NAPB: variants seen among roughly 807,000 people sequenced by gnomAD.
NAPB encodes NSF attachment protein beta.
NAPB carries 26 observed loss-of-function variants against 44.7 expected under a neutral mutation model. The ratio of observed to expected loss-of-function variants is 0.58; its 90% CI spans 0.43 to 0.81. The LOEUF (loss-of-function observed/expected upper bound fraction) is 0.81. Ranked by LOEUF, NAPB falls within the 30% of genes least tolerant of loss-of-function variation. NAPB has a pLI of 0.00. For synonymous variants in NAPB, 120 were observed against 116.8 expected (o/e 1.03, Z -0.18); for missense variants, 315 against 356.4 (o/e 0.88, Z 0.94).
In NAPB at chr20:23,402,202, T is replaced by C. The variant is rs564580156; in HGVS notation, c.178+791A>G. ...AAAGTGTCTGCCTTGAAACAGCTTG[T>C]AGAGGGCGAGTCCCACTTCCAATCC... On this transcript the variant is annotated intron_variant, in intron 2 of 10. Transcript: ENST00000377026. Among the ~76,000 whole-genome samples, 5 of 152,306 alleles carry C rather than the reference T, an allele frequency of 3.3e-5. No individual in the cohort carries two copies. The South Asian group carries it at 6.2e-4, about 19-fold the overall frequency.
At position 23,403,036 on chromosome 20, in the gene NAPB, A is replaced by G; in HGVS notation, c.135T>C (p.Tyr45=). The G allele has an allele frequency of 1.2e-6, 2 of 1,613,968 alleles. No homozygotes were observed. The highest frequency in any genetic ancestry group is 1.7e-6 in the Non-Finnish European group (2 of 1,179,942). The change falls in exon 2 of 11, where the codon TAT becomes TAC. Residue 45 remains tyrosine (Y), a synonymous_variant. Coordinates refer to ENST00000377026, the MANE Select transcript of NAPB (RefSeq NM_022080.3). ...TCTTGAACATATTTGCAGCTCTGGT[A>G]TACATTTCACAAGCCTCTTCTATTC... ...NTRIEEACEM[Y]TRAANMFKMA...
intron 5 of NAPB, among the ~76,000 whole-genome samples, chr20:23,392,761 G>C (rs917568921): frequency 2.6e-5 from 4 of 151,766 alleles, no homozygotes; most frequent in Non-Finnish European, 4.4e-5. Context: ...GGGCTCAAGT[G>C]ATCCTCCTGC....
chr20:23,382,525 AT>A (rs1421945574), intron 7 of NAPB, among the ~76,000 whole-genome samples: 4 of 152,232 alleles, frequency 2.6e-5, no homozygotes, highest in African/African-American at 9.6e-5. Context: ...AGAAGCCCTC[AT>A]AAAAATGCTC....
rs372949482 is a variant in NAPB, at chr20:23,377,328, G to A, written c.*48C>T. ...TCCCATAAAGATCACTTGACCCTAA[G>A]ACAAAACTAAAGAGGAGTTAGCTGC... On this transcript the variant is annotated 3_prime_UTR_variant, in exon 11 of 11. Transcript: ENST00000377026. 3 of 1,298,078 alleles carry A rather than the reference G, an allele frequency of 2.3e-6. No homozygotes were observed. The highest frequency in any genetic ancestry group is 3.2e-6 in the Non-Finnish European group (3 of 923,468). 80.4% of individuals were successfully genotyped at this position (1,298,078 alleles called of 1,614,324 possible).
intron 1 of NAPB, among the ~76,000 whole-genome samples, chr20:23,405,488 G>A (rs1985180776): frequency 6.6e-6 from 1 of 152,198 alleles, no homozygotes; most frequent in Non-Finnish European, 1.5e-5. Flanking sequence ...TTGGGAGGCT[G>A]AGGTGGGTGG....
At chr20:23,403,108 A>G (rs767502899) in intron 1 of NAPB, 36 bp from the exon 2 acceptor site, 4 of 1,455,588 alleles carry the variant, frequency 2.7e-6, no homozygotes, top group Admixed American at 3.4e-5. Context: ...TTTAACAACC[A>G]TCCACATCTC....
intron 1 of NAPB, among the ~76,000 whole-genome samples, chr20:23,411,983 CT>C (rs1985688888): frequency 6.6e-6 from 1 of 152,112 alleles, no homozygotes; most frequent in Non-Finnish European, 1.5e-5. Context: ...ACTAAAATAC[CT>C]ATTCCGAAAG....
intron 1 of NAPB, among the ~76,000 whole-genome samples, chr20:23,409,482 CT>C (rs751193993): frequency 2.0e-5 from 3 of 152,138 alleles, no homozygotes; most frequent in Non-Finnish European, 4.4e-5. Flanking sequence ...TAGGTATACA[CT>C]GGACCTATTT....
In NAPB at chr20:23,421,224, G is replaced by A. The variant is rs1986400616; in HGVS notation, c.98+81C>T. ...TGAGGGCCCCAGAGGTTGCGTGGGGGACTCGGGGGGTCAGCCTGAAAGGAA... is the reference window on the plus strand; with the variant it reads ...TGAGGGCCCCAGAGGTTGCGTGGGGAACTCGGGGGGTCAGCCTGAAAGGAA... On this transcript the variant is annotated intron_variant, in intron 1 of 10. Coordinates refer to ENST00000377026, the MANE Select transcript of NAPB (RefSeq NM_022080.3). 9 of 1,240,936 alleles carry A rather than the reference G, an allele frequency of 7.3e-6. No individual in the cohort carries two copies. In the African/African-American group the frequency reaches 7.8e-5, roughly 11 times the overall value. 76.9% of individuals were successfully genotyped at this position (1,240,936 alleles called of 1,614,324 possible). A position where few individuals can be genotyped will look rare whatever the true frequency, so the allele number is the denominator to read the frequency against.
In NAPB at chr20:23,397,168, GA is replaced by G; in HGVS notation, c.198del (p.Gln67ArgfsTer38). ...KNWSAAGNAF[C>X]QAAKLHMQLQ... ...AGCTGCATGTGGAGCTTGGCTGCCT[GA>G]CAAAATGCGTTTCCTGCAGCTGAAG... On this transcript the variant is annotated frameshift_variant, in exon 3 of 11. Coordinates refer to ENST00000377026, the MANE Select transcript of NAPB (RefSeq NM_022080.3). LOFTEE classifies it high-confidence loss of function. 2 of 1,612,346 alleles carry G rather than the reference GA, an allele frequency of 1.2e-6. No homozygotes were observed. Among genetic ancestry groups the G allele is most frequent in the Non-Finnish European group, 1.7e-6 (2 of 1,178,726 alleles).
intron 1 of NAPB, among the ~76,000 whole-genome samples, chr20:23,407,579 A>T (rs920179325): frequency 6.6e-6 from 1 of 152,166 alleles, no homozygotes; most frequent in Non-Finnish European, 1.5e-5. Flanking sequence ...CTTGCATTCC[A>T]GAGGCAAGGC....
chr20:23,421,226 C>T (rs1986400776), intron 1 of NAPB, 79 bp downstream of exon 1: 3 of 1,289,414 alleles, frequency 2.3e-6, no homozygotes, highest in Non-Finnish European at 3.2e-6. Flanking sequence ...GCGTGGGGGA[C>T]TCGGGGGGTC....
At chr20:23,385,814 A>G (rs2123152578) in intron 7 of NAPB, among the ~76,000 whole-genome samples, 1 of 152,324 alleles carries the variant, frequency 6.6e-6, no homozygotes, top group African/African-American at 2.4e-5. Context: ...CAGCAAGTAT[A>G]TTAAAGAACT....
chr20:23,377,267 G>C lies in NAPB; in HGVS notation c.*109C>G. The C allele has an allele frequency of 1.8e-6, 1 of 569,548 alleles. No individual in the cohort carries two copies. Among genetic ancestry groups the C allele is most frequent in the East Asian group, 3.0e-5 (1 of 33,148 alleles). The allele number at this position is 569,548 out of a possible 1,614,324, so 35.3% of individuals were successfully genotyped here. Reference sequence around the variant, plus strand: ...GCTTAAACAATACACAGGCCGTCTGGCTCATATGCAACAAAATTAAGCCAT... The same window carrying C: ...GCTTAAACAATACACAGGCCGTCTGCCTCATATGCAACAAAATTAAGCCAT... On this transcript the variant is annotated 3_prime_UTR_variant, in exon 11 of 11. Transcript: ENST00000377026.
chr20:23,382,523 T>G (rs1983096961), intron 7 of NAPB, among the ~76,000 whole-genome samples: 2 of 150,984 alleles, frequency 1.3e-5, no homozygotes, highest in Admixed American at 6.6e-5. Flanking sequence ...AAAGAAGCCC[T>G]CATAAAAATG....
chr20:23,395,310 C>T, intron 3 of NAPB, 125 bp from the exon 4 acceptor site: 1 of 942,272 alleles, frequency 1.1e-6, no homozygotes, highest in Non-Finnish European at 1.6e-6. Context: ...GGAGGGTGGG[C>T]AGGTTAATGA....
At chr20:23,381,363 T>C in intron 7 of NAPB, 46 bp from the exon 8 acceptor site, 1 of 1,241,276 alleles carries the variant, frequency 8.1e-7, no homozygotes, top group Non-Finnish European at 1.1e-6. Flanking sequence ...TACCCTCTTA[T>C]ATCAGGCAAA....
At chr20:23,395,722 TA>T (rs1158217170) in intron 3 of NAPB, among the ~76,000 whole-genome samples, 4 of 152,212 alleles carry the variant, frequency 2.6e-5, no homozygotes, top group African/African-American at 9.6e-5. Context: ...TCAAAGATGC[TA>T]AATTGTAGCA....
intron 8 of NAPB, among the ~76,000 whole-genome samples, chr20:23,380,318 G>A (rs577147616): frequency 6.6e-6 from 1 of 152,204 alleles, no homozygotes; most frequent in Admixed American, 6.5e-5. Context: ...TCTCTTACTG[G>A]CTTTAGTTCT....
Sources: allele counts gnomAD v4.1 joint callset (sites outside exome capture counted in the v4.1 genomes callset), GRCh38; gene constraint gnomAD v4.1.1; transcripts MANE v1.5; gene names NCBI Gene and HGNC (gene_info 2026-07-23, HGNC 2026-07-21).